The following PTPRM variants were observed in gnomAD, a reference collection of about 807,000 sequenced individuals.
PTPRM encodes the protein receptor-type tyrosine-protein phosphatase mu.
A neutral mutation model predicts 186.7 loss-of-function variants in PTPRM; 47 were observed. The ratio of observed to expected loss-of-function variants is 0.25; its 90% CI spans 0.20 to 0.32. PTPRM has a LOEUF of 0.32. Ranked by LOEUF, PTPRM falls within the 10% of genes least tolerant of loss-of-function variation. The pLI is 1.00. For missense variants in PTPRM, 1,494 were observed against 1,865.0 expected (o/e 0.80, Z 3.66); for synonymous variants, 668 against 674.9 (o/e 0.99, Z 0.16).
At chr18:8,070,884 AC>A (rs1453840126) in intron 8 of PTPRM, among the ~76,000 whole-genome samples, 1 of 152,190 alleles carries the variant, frequency 6.6e-6, no homozygotes, top group East Asian at 1.9e-4. Context: ...TCTTCATGTA[AC>A]TGATAATGTA....
chr18:7,675,791 A>G (rs1040926510), intron 1 of PTPRM, among the ~76,000 whole-genome samples: 13 of 151,438 alleles, frequency 8.6e-5, no homozygotes, highest in Admixed American at 7.9e-4. Flanking sequence ...CTAGAGTGCA[A>G]TGGCATGGTC....
At chr18:7,801,750 A>C (rs905128622) in intron 2 of PTPRM, among the ~76,000 whole-genome samples, 2 of 152,178 alleles carry the variant, frequency 1.3e-5, no homozygotes, top group African/African-American at 4.8e-5. Context: ...GGATGACTGT[A>C]GTGTCACTAG....
At chr18:7,678,512 C>T (rs2039402602) in intron 1 of PTPRM, among the ~76,000 whole-genome samples, 1 of 152,108 alleles carries the variant, frequency 6.6e-6, no homozygotes, top group Non-Finnish European at 1.5e-5. Context: ...CCTGAGGGAA[C>T]GGGAGGCCGG....
At chr18:8,376,783 A>AAACCC (rs2095698870) in intron 26 of PTPRM, 186 bp downstream of exon 26, 1 of 715,018 alleles carries the variant, frequency 1.4e-6, no homozygotes, top group African/African-American at 1.8e-5. Context: ...TAAACAAACC[A>AAACCC]AACAAACCCA....
intron 17 of PTPRM, among the ~76,000 whole-genome samples, chr18:8,249,251 GT>G (rs2094505610): frequency 6.6e-6 from 1 of 152,044 alleles, no homozygotes; most frequent in East Asian, 1.9e-4. Context: ...TGTATAGAAG[GT>G]AATTTTTATT....
intron 7 of PTPRM, among the ~76,000 whole-genome samples, chr18:7,955,776 A>T (rs1400113588): frequency 2.6e-5 from 4 of 152,166 alleles, no homozygotes; most frequent in Non-Finnish European, 4.4e-5. Flanking sequence ...TTTTATGTTC[A>T]TAGTTAATGT....
chr18:8,175,685 T>A (rs1190370617), intron 14 of PTPRM, among the ~76,000 whole-genome samples: 1 of 152,210 alleles, frequency 6.6e-6, no homozygotes, highest in Non-Finnish European at 1.5e-5. Flanking sequence ...ATATTCTGCT[T>A]ATATGAGGGA....
At chr18:8,095,490 G>T (rs975534944) in intron 11 of PTPRM, among the ~76,000 whole-genome samples, 79 of 152,226 alleles carry the variant, frequency 5.2e-4, no homozygotes, top group African/African-American at 1.4e-3. Flanking sequence ...AAGCAAGGGA[G>T]ATAGAGGATG....
chr18:7,677,506 A>C (rs2039372083), intron 1 of PTPRM, among the ~76,000 whole-genome samples: 1 of 152,090 alleles, frequency 6.6e-6, no homozygotes, highest in Admixed American at 6.5e-5. Context: ...TGATGAGACC[A>C]CCTTCCTTAG....
intron 7 of PTPRM, among the ~76,000 whole-genome samples, chr18:8,042,579 A>G (rs1298851661): frequency 2.6e-5 from 4 of 152,086 alleles, no homozygotes; most frequent in Admixed American, 6.6e-5. Context: ...ATTGCCATCT[A>G]TGTTGCTGGC....
intron 3 of PTPRM, among the ~76,000 whole-genome samples, chr18:7,904,642 C>A (rs1024145410): frequency 2.0e-5 from 3 of 152,100 alleles, no homozygotes; most frequent in Non-Finnish European, 4.4e-5. Flanking sequence ...AGTGGATGGA[C>A]CACAGTGTAT....
At chr18:7,743,763 A>G (rs1468622486) in intron 1 of PTPRM, among the ~76,000 whole-genome samples, 1 of 152,220 alleles carries the variant, frequency 6.6e-6, no homozygotes, top group African/African-American at 2.4e-5. Flanking sequence ...AAGCCGGTTT[A>G]TAGAGAAACC....
At chr18:8,405,175 A>T (rs912985350) in intron 32 of PTPRM, 1 of 151,864 alleles carries the variant, frequency 6.6e-6, no homozygotes, top group Non-Finnish European at 1.5e-5. Context: ...AAGAAAAAAA[A>T]AAAAAAAAGA....
intron 1 of PTPRM, among the ~76,000 whole-genome samples, chr18:7,703,609 C>A (rs2040012585): frequency 1.3e-5 from 2 of 152,124 alleles, no homozygotes; most frequent in Admixed American, 6.6e-5. Context: ...ACAATCATGT[C>A]CTCTGCAAAC....
chr18:7,956,759 G>T (rs565866602), intron 7 of PTPRM, among the ~76,000 whole-genome samples: 22 of 152,148 alleles, frequency 1.4e-4, no homozygotes, highest in Non-Finnish European at 2.5e-4. Context: ...CTATTTAGTT[G>T]AATAAATTCC....
At chr18:7,700,479 A>G (rs2039936105) in intron 1 of PTPRM, among the ~76,000 whole-genome samples, 1 of 152,204 alleles carries the variant, frequency 6.6e-6, no homozygotes, top group Non-Finnish European at 1.5e-5. Flanking sequence ...TAAAGAAGAC[A>G]AATTAGGTGG....
intron 14 of PTPRM, among the ~76,000 whole-genome samples, chr18:8,235,476 T>TTTTTTTTTTTG (rs1481569126): frequency 4.7e-4 from 64 of 136,768 alleles, no homozygotes; most frequent in East Asian, 1.0e-3. Flanking sequence ...TTTTTTTTTT[T>TTTTTTTTTTTG]TTTAGCCTGG....
chr18:8,098,238 G>A (rs2091107551), intron 11 of PTPRM, among the ~76,000 whole-genome samples: 1 of 152,112 alleles, frequency 6.6e-6, no homozygotes, highest in Non-Finnish European at 1.5e-5. Context: ...TGTTGAGAGT[G>A]AGCATTTCCC....
intron 2 of PTPRM, among the ~76,000 whole-genome samples, chr18:7,871,115 A>G (rs996755817): frequency 6.6e-6 from 1 of 152,238 alleles, no homozygotes; most frequent in African/African-American, 2.4e-5. Context: ...CTAGAAAGCC[A>G]TAATGTGATT....
Sources: allele counts gnomAD v4.1 joint callset (sites outside exome capture counted in the v4.1 genomes callset), GRCh38; gene constraint gnomAD v4.1.1; transcripts MANE v1.5; gene names NCBI Gene and HGNC (gene_info 2026-07-23, HGNC 2026-07-21).